Variants in PYHIN1 observed in about 807,000 individuals in gnomAD.
PYHIN1 encodes pyrin and HIN domain-containing protein 1.
In PYHIN1, 32 loss-of-function variants were observed where a neutral mutation model predicts 43.7. The ratio of observed to expected loss-of-function variants is 0.73; its 90% confidence interval spans 0.55 to 0.98. PYHIN1 has a LOEUF of 0.98. Ranked by LOEUF, PYHIN1 falls within the 50% of genes least tolerant of loss-of-function variation. PYHIN1 has a pLI of 0.00. For synonymous variants in PYHIN1, 205 were observed against 203.1 expected (o/e 1.01, Z -0.08); for missense variants, 588 against 589.5 (o/e 1.00, Z 0.03).
At position 158,952,108 on chromosome 1, in the gene PYHIN1, GTTTTTTT is replaced by G. The variant is rs35079460; in HGVS notation, c.1359+7080_1359+7086del. The stretch of plus-strand genomic sequence containing the variant: ...CTAGGCGCCGCTTTTGCCTGTGTCG[GTTTTTTT>G]TTTTTTTTTTTTTCCTGTGCCGCTC... On this transcript the variant is annotated intron_variant, in intron 7 of 8. Coordinates refer to ENST00000368140, the MANE Select transcript of PYHIN1 (RefSeq NM_152501.5). Among the ~76,000 whole-genome samples, 3 of 118,116 alleles carry G rather than the reference GTTTTTTT, an allele frequency of 2.5e-5. No individual in the cohort carries two copies. The South Asian group carries it at 8.9e-4, about 35-fold the overall frequency. The allele number at this position is 118,116 out of a possible 152,430, so 77.5% of individuals were successfully genotyped here.
intron 1 of PYHIN1, among the ~76,000 whole-genome samples, chr1:158,932,141 T>C (rs1648201483): frequency 6.6e-6 from 1 of 152,232 alleles, no homozygotes; most frequent in South Asian, 2.1e-4. Context: ...GGATGCATAG[T>C]ATTCCACGCT....
chr1:158,939,267 C>G lies in PYHIN1; in HGVS notation c.579+20C>G. 6.3e-7 allele frequency: 1 copy of G among 1,585,934 alleles called. No individual in the cohort carries two copies. ...ACTGAGGTACACTCTTCCTGGTCCC[C>G]TTTTGATTCATTTTCTTCAACCCAA... On this transcript the variant is annotated intron_variant, in intron 4 of 8. Transcript: ENST00000368140.
At chr1:158,980,447 C>T (rs574627843), downstream of PYHIN1, among the ~76,000 whole-genome samples, 4 of 152,026 alleles carry the variant, frequency 2.6e-5, no homozygotes, top group Non-Finnish European at 5.9e-5. Flanking sequence ...AATGGATGTG[C>T]AAGTAGGAAA....
At chr1:158,982,879 T>C in the PYHIN1 span, among the ~76,000 whole-genome samples, 1 of 151,898 alleles carries the variant, frequency 6.6e-6, no homozygotes. Flanking sequence ...TGTATTCCTA[T>C]GTGTTTATTC....
intron 5 of PYHIN1, among the ~76,000 whole-genome samples, 181 bp downstream of exon 5, chr1:158,942,580 GT>G (rs1249971239): frequency 6.6e-6 from 1 of 152,128 alleles, no homozygotes; most frequent in Admixed American, 6.6e-5. Flanking sequence ...AACTATTAAT[GT>G]TCTCATTCTT....
intron 7 of PYHIN1, among the ~76,000 whole-genome samples, chr1:158,964,164 G>C (rs577847525): frequency 1.3e-5 from 2 of 152,186 alleles, no homozygotes; most frequent in South Asian, 4.1e-4. Flanking sequence ...AGCTCAATCA[G>C]AAATGAAATA....
At chr1:158,943,353 A>C (rs1178388924) in intron 5 of PYHIN1, among the ~76,000 whole-genome samples, 1 of 152,224 alleles carries the variant, frequency 6.6e-6, no homozygotes, top group Admixed American at 6.5e-5. Context: ...AAGTCAAAAA[A>C]GTAATTAGAT....
chr1:158,935,175 A>T (rs1357255599), intron 1 of PYHIN1, among the ~76,000 whole-genome samples: 2 of 152,152 alleles, frequency 1.3e-5, no homozygotes, highest in Non-Finnish European at 2.9e-5. Flanking sequence ...AGGCAGTCAG[A>T]TAGAGGAATG....
chr1:158,963,590 G>A (rs1414421920), intron 7 of PYHIN1, among the ~76,000 whole-genome samples: 1 of 152,218 alleles, frequency 6.6e-6, no homozygotes, highest in African/African-American at 2.4e-5. Context: ...GCATATGGCA[G>A]AGCAAGAGCC....
At chr1:158,940,775 C>A (rs1334000558) in intron 4 of PYHIN1, among the ~76,000 whole-genome samples, 1 of 152,170 alleles carries the variant, frequency 6.6e-6, no homozygotes, top group Admixed American at 6.5e-5. Flanking sequence ...CAAACCAGAT[C>A]AAACTTAATT....
chr1:158,934,820 T>C (rs1648418545), intron 1 of PYHIN1, among the ~76,000 whole-genome samples: 1 of 152,198 alleles, frequency 6.6e-6, no homozygotes, highest in South Asian at 2.1e-4. Flanking sequence ...CCTCCCGGGT[T>C]CAAGCAATTC....
downstream of PYHIN1, among the ~76,000 whole-genome samples, chr1:158,979,899 G>C (rs371094011): frequency 3.4e-4 from 52 of 152,222 alleles, no homozygotes; most frequent in African/African-American, 1.3e-3. Flanking sequence ...CGACCTTTAA[G>C]TAAACCACCA....
intron 7 of PYHIN1, among the ~76,000 whole-genome samples, chr1:158,966,349 G>C (rs888940723): frequency 6.6e-6 from 1 of 152,058 alleles, no homozygotes; most frequent in Non-Finnish European, 1.5e-5. Flanking sequence ...AACTGGGGAG[G>C]AGGGACTCCT....
At chr1:158,990,555 G>T in the PYHIN1 span, among the ~76,000 whole-genome samples, 1 of 151,832 alleles carries the variant, frequency 6.6e-6, no homozygotes, top group Non-Finnish European at 1.5e-5. Context: ...ATATTTTTCA[G>T]GAATACAATA....
the PYHIN1 span, among the ~76,000 whole-genome samples, chr1:158,987,231 A>G: frequency 6.6e-6 from 1 of 152,210 alleles, no homozygotes. Context: ...ACTTGTTATT[A>G]CATAATTTTT....
At chr1:158,936,402 A>T (rs1322271819) in intron 1 of PYHIN1, among the ~76,000 whole-genome samples, 1 of 151,968 alleles carries the variant, frequency 6.6e-6, no homozygotes, top group Non-Finnish European at 1.5e-5. Flanking sequence ...CACAACAAAA[A>T]AAAGAGAATT....
chr1:158,964,327 C>T (rs543719259), intron 7 of PYHIN1, among the ~76,000 whole-genome samples: 35 of 152,226 alleles, frequency 2.3e-4, no homozygotes, highest in African/African-American at 8.4e-4. Context: ...ATGAAAAATT[C>T]CCCAACCTTG....
intron 5 of PYHIN1, among the ~76,000 whole-genome samples, chr1:158,942,769 A>G (rs969923258): frequency 6.6e-6 from 1 of 152,206 alleles, no homozygotes; most frequent in African/African-American, 2.4e-5. Context: ...AGCAAAAATC[A>G]CATTGTTTTC....
chr1:158,954,837 G>T (rs1193819615), intron 7 of PYHIN1, among the ~76,000 whole-genome samples: 1 of 150,874 alleles, frequency 6.6e-6, no homozygotes, highest in Non-Finnish European at 1.5e-5. Flanking sequence ...ACCCATCAGT[G>T]TGCTGTATTC....
Sources: gnomAD v4.1 joint callset for allele counts (sites outside exome capture counted in the v4.1 genomes callset) on GRCh38, gnomAD v4.1.1 for gene constraint, MANE v1.5 for transcripts, NCBI Gene and HGNC (gene_info 2026-07-23, HGNC 2026-07-21) for gene names.